The following ADAM17 variants were observed in gnomAD, a reference collection of about 807,000 sequenced individuals.
The protein encoded by ADAM17 is disintegrin and metalloproteinase domain-containing protein 17.
A neutral mutation model predicts 96.7 loss-of-function variants in ADAM17; 39 were observed. The ratio of observed to expected loss-of-function variants is 0.40; its 90% CI spans 0.31 to 0.53. ADAM17 has a LOEUF of 0.53. Ranked by LOEUF, ADAM17 falls within the 20% of genes least tolerant of loss-of-function variation. The pLI is 0.44. For missense variants in ADAM17, 777 were observed against 1,013.2 expected (o/e 0.77, Z 3.17); for synonymous variants, 344 against 359.2 (o/e 0.96, Z 0.48).
In ADAM17 at chr2:9,491,190, C is replaced by G. The variant is rs371300216; in HGVS notation, c.2083-39G>C. 60 of 1,579,592 alleles carry G rather than the reference C, an allele frequency of 3.8e-5. 1 individual carries two copies. The South Asian group carries it at 5.9e-4, about 16-fold the overall frequency. On this transcript the variant is annotated intron_variant, in intron 17 of 18. Coordinates refer to ENST00000310823, the MANE Select transcript of ADAM17 (RefSeq NM_003183.6). ...GCAAGAAGGTCATTCCCTACAAATA[C>G]AATTCAGTTAGTGAGTACTATTTCA...
At chr2:9,508,324 TCAA>T (rs1204865470) in intron 11 of ADAM17, among the ~76,000 whole-genome samples, 3 of 152,146 alleles carry the variant, frequency 2.0e-5, no homozygotes, top group Non-Finnish European at 4.4e-5. Context: ...CTCACCAGCT[TCAA>T]CAATAATCAA....
At chr2:9,533,202 T>A (rs191064892) in intron 4 of ADAM17, among the ~76,000 whole-genome samples, 1 of 141,836 alleles carries the variant, frequency 7.1e-6, no homozygotes, top group Non-Finnish European at 1.5e-5. Flanking sequence ...AAAAAAAAAA[T>A]GTAATCTGAG....
intron 10 of ADAM17, among the ~76,000 whole-genome samples, chr2:9,515,354 A>AT (rs1291030623): frequency 1.3e-5 from 2 of 151,858 alleles, no homozygotes; most frequent in Non-Finnish European, 2.9e-5. Context: ...TTTTTTTCTC[A>AT]TTTTATGGAT....
intron 5 of ADAM17, chr2:9,527,465 C>A (rs2125027181): frequency 5.9e-6 from 1 of 170,502 alleles, no homozygotes; most frequent in Non-Finnish European, 1.2e-5. Context: ...TTCTTATAAA[C>A]TCTAAAGATT....
intron 13 of ADAM17, among the ~76,000 whole-genome samples, chr2:9,501,772 T>A (rs546594162): frequency 6.6e-6 from 1 of 152,324 alleles, no homozygotes; most frequent in South Asian, 2.1e-4. Context: ...CTTGTTATAT[T>A]ATCTGTAGCA....
Position 9,521,322 on chromosome 2 carries a change from C to T in ADAM17, c.844-6G>A. The T allele has an allele frequency of 1.9e-6, 3 of 1,565,684 alleles. No individual in the cohort carries two copies. Among genetic ancestry groups the T allele is most frequent in the South Asian group, 2.2e-5 (2 of 90,038 alleles). On this transcript the variant is annotated splice_polypyrimidine_tract_variant and splice_region_variant and intron_variant, in intron 7 of 18. Transcript: ENST00000310823. ...GGAGACTTGAGAATGCGAATCTATA[C>T]TTAAAGAGATCATATACTTAGAACA...
intron 8 of ADAM17, 113 bp from the exon 9 acceptor site, chr2:9,518,360 G>A (rs751634730): frequency 1.3e-5 from 17 of 1,267,260 alleles, no homozygotes; most frequent in Non-Finnish European, 1.7e-5. Flanking sequence ...GAACTATGAT[G>A]GCATGCAGCT....
intron 1 of ADAM17, among the ~76,000 whole-genome samples, chr2:9,549,786 T>G (rs1665525737): frequency 6.6e-6 from 1 of 152,204 alleles, no homozygotes; most frequent in African/African-American, 2.4e-5. Context: ...TCCAAAATGC[T>G]GAGATGACAG....
At chr2:9,509,876 C>T in intron 11 of ADAM17, 103 bp downstream of exon 11, 1 of 1,461,668 alleles carries the variant, frequency 6.8e-7, no homozygotes, top group Non-Finnish European at 9.3e-7. Context: ...ACATCCATCC[C>T]TAGGGAAACG....
chr2:9,491,858 G>A (rs974350923), intron 17 of ADAM17, among the ~76,000 whole-genome samples: 3 of 152,166 alleles, frequency 2.0e-5, no homozygotes, highest in African/African-American at 7.2e-5. Flanking sequence ...GAAATCAAGG[G>A]TCGTGCCTTG....
At chr2:9,520,329 C>T (rs1664254015) in intron 8 of ADAM17, among the ~76,000 whole-genome samples, 1 of 152,206 alleles carries the variant, frequency 6.6e-6, no homozygotes, top group Admixed American at 6.5e-5. Context: ...ACACTGGAAT[C>T]ACATGGCAGC....
Position 9,510,010 on chromosome 2 carries a change from A to G in ADAM17, c.1313T>C (p.Ile438Thr). 1.9e-6 allele frequency: 3 copies of G among 1,614,126 alleles called. No individual in the cohort carries two copies. The highest frequency in any genetic ancestry group is 2.5e-6 in the Non-Finnish European group (3 of 1,179,998). The change falls in exon 11 of 19, where the codon ATA becomes ACA. Residue 438 changes from isoleucine to threonine, a missense_variant. Ile to Thr is a moderately conservative substitution (Grantham distance 89). Around this residue, in one of 3 missense-constraint regions of ADAM17, gnomAD observed 446 missense variants for 664.7 expected, o/e 0.67. Coordinates refer to ENST00000310823, the MANE Select transcript of ADAM17 (RefSeq NM_003183.6). Reference sequence around the variant, plus strand: ...GTTCTCGTGATCGCCACTCACAGCTATGGGATACATGACATATTTCCCTCC... The same window carrying G: ...GTTCTCGTGATCGCCACTCACAGCTGTGGGATACATGACATATTTCCCTCC... ...DQGGKYVMYP[I>T]AVSGDHENNK...
Position 9,521,320 on chromosome 2 carries a change from T to C in ADAM17, c.844-4A>G, listed in dbSNP as rs759498105. The stretch of plus-strand genomic sequence containing the variant: ...GTGGAGACTTGAGAATGCGAATCTA[T>C]ACTTAAAGAGATCATATACTTAGAA... On this transcript the variant is annotated splice_polypyrimidine_tract_variant and splice_region_variant and intron_variant, in intron 7 of 18. Coordinates refer to ENST00000310823, the MANE Select transcript of ADAM17 (RefSeq NM_003183.6). The C allele has an allele frequency of 6.4e-7, 1 of 1,570,920 alleles. No individual in the cohort carries two copies. Among genetic ancestry groups the C allele is most frequent in the Non-Finnish European group, 8.8e-7 (1 of 1,141,170 alleles).
chr2:9,500,464 A>C (rs1408073288), intron 13 of ADAM17, among the ~76,000 whole-genome samples: 1 of 152,192 alleles, frequency 6.6e-6, no homozygotes, highest in Non-Finnish European at 1.5e-5. Flanking sequence ...AGTAATGTAA[A>C]TGTTCTAAAA....
chr2:9,531,140 T>C (rs1664721183), intron 4 of ADAM17, among the ~76,000 whole-genome samples: 1 of 152,074 alleles, frequency 6.6e-6, no homozygotes, highest in Non-Finnish European at 1.5e-5. Context: ...GTATTTTTAG[T>C]AGAGACGAGG....
chr2:9,514,942 T>C (rs1420524582), intron 10 of ADAM17, among the ~76,000 whole-genome samples: 1 of 152,134 alleles, frequency 6.6e-6, no homozygotes, highest in African/African-American at 2.4e-5. Context: ...CAGTTGCATT[T>C]ATCACACTAC....
intron 6 of ADAM17, among the ~76,000 whole-genome samples, chr2:9,523,604 A>G (rs1432385132): frequency 3.3e-5 from 5 of 152,238 alleles, no homozygotes; most frequent in African/African-American, 1.2e-4. Context: ...AACCAAAATG[A>G]CAAGTAACAG....
intron 4 of ADAM17, among the ~76,000 whole-genome samples, chr2:9,531,694 T>A (rs1018169311): frequency 1.3e-5 from 2 of 152,208 alleles, no homozygotes; most frequent in Admixed American, 1.3e-4. Flanking sequence ...AGAGCAAGAC[T>A]CCATCTCAAA....
chr2:9,520,865 G>A (rs888496523), intron 8 of ADAM17, among the ~76,000 whole-genome samples: 1 of 149,350 alleles, frequency 6.7e-6, no homozygotes, highest in Non-Finnish European at 1.5e-5. Context: ...TTGGGAGGCT[G>A]AGGCAGGAGA....
Sources: gnomAD v4.1 joint callset for allele counts (sites outside exome capture counted in the v4.1 genomes callset) on GRCh38, gnomAD v4.1.1 for gene constraint, gnomAD v4.1.1 regional missense constraint, MANE v1.5 for transcripts, NCBI Gene and HGNC (gene_info 2026-07-23, HGNC 2026-07-21) for gene names.